Variants in LRRC4C observed in about 807,000 individuals in gnomAD.
LRRC4C encodes the protein leucine rich repeat containing 4C.
LRRC4C carries 5 observed loss-of-function variants against 33.6 expected under a neutral mutation model. That is an observed-to-expected ratio of 0.15 (90% CI 0.08 to 0.31). LRRC4C has a LOEUF of 0.31. LRRC4C is among the 10% of genes least tolerant of loss of function. The pLI is 1.00. For synonymous variants in LRRC4C, 329 were observed against 302.0 expected (o/e 1.09, Z -0.93); for missense variants, 560 against 796.7 (o/e 0.70, Z 3.58).
chr11:40,241,567 A>G lies in LRRC4C; in HGVS notation c.-144T>C, dbSNP rs911492082. ...ACTGTCTAGCTGAGTAACTCTGGCCAGTCCCTTCTTTCTCACTCTCAGTTT... is the reference window on the plus strand; with the variant it reads ...ACTGTCTAGCTGAGTAACTCTGGCCGGTCCCTTCTTTCTCACTCTCAGTTT... On this transcript the variant is annotated 5_prime_UTR_variant, in exon 5 of 7. Coordinates refer to ENST00000528697, the MANE Select transcript of LRRC4C (RefSeq NM_001258419.2). The G allele has an allele frequency of 4.6e-5, 7 of 152,170 alleles. No homozygotes were observed. The highest frequency in any genetic ancestry group is 8.8e-5 in the Non-Finnish European group (6 of 68,032). 9.4% of individuals were successfully genotyped at this position (152,170 alleles called of 1,614,324 possible). A position where few individuals can be genotyped will look rare whatever the true frequency, so the allele number is the denominator to read the frequency against.
At chr11:40,870,395 T>C (rs1304474436) in intron 2 of LRRC4C, among the ~76,000 whole-genome samples, 2 of 152,108 alleles carry the variant, frequency 1.3e-5, no homozygotes, top group Non-Finnish European at 2.9e-5. Flanking sequence ...TAATTTTATA[T>C]TCCCTTGGGG....
At chr11:41,307,954 C>A (rs566385593) in intron 1 of LRRC4C, among the ~76,000 whole-genome samples, 1 of 152,138 alleles carries the variant, frequency 6.6e-6, no homozygotes, top group Non-Finnish European at 1.5e-5. Context: ...GTGTCTCCAT[C>A]GCCCACATTC....
At chr11:40,754,509 T>C (rs1210714048) in intron 2 of LRRC4C, among the ~76,000 whole-genome samples, 1 of 152,094 alleles carries the variant, frequency 6.6e-6, no homozygotes, top group African/African-American at 2.4e-5. Flanking sequence ...CAGCGTCTTG[T>C]TGAGGAGGTG....
At chr11:40,807,063 T>C (rs1186861674) in intron 2 of LRRC4C, among the ~76,000 whole-genome samples, 1 of 152,190 alleles carries the variant, frequency 6.6e-6, no homozygotes, top group Non-Finnish European at 1.5e-5. Flanking sequence ...GATTTTCTCT[T>C]CATCCCTTTA....
intron 3 of LRRC4C, among the ~76,000 whole-genome samples, chr11:40,558,233 A>T (rs1203853908): frequency 1.3e-5 from 2 of 152,224 alleles, no homozygotes; most frequent in Non-Finnish European, 2.9e-5. Context: ...AATATTTGAG[A>T]CAATAACAAG....
chr11:40,673,341 A>G (rs1045948009), intron 2 of LRRC4C, among the ~76,000 whole-genome samples: 8 of 152,158 alleles, frequency 5.3e-5, no homozygotes, highest in Non-Finnish European at 8.8e-5. Flanking sequence ...GGTACAATGT[A>G]TGGCCATCAA....
chr11:40,828,577 A>T (rs1479188840), intron 2 of LRRC4C, among the ~76,000 whole-genome samples: 1 of 151,922 alleles, frequency 6.6e-6, no homozygotes, highest in Non-Finnish European at 1.5e-5. Context: ...AGTGATTTGG[A>T]TATGGAAAAG....
chr11:40,429,325 C>T (rs1042212509), intron 3 of LRRC4C, among the ~76,000 whole-genome samples: 10 of 152,160 alleles, frequency 6.6e-5, no homozygotes, highest in African/African-American at 2.4e-4. Flanking sequence ...CCACGCGCCT[C>T]ATACTCCCAA....
intron 2 of LRRC4C, among the ~76,000 whole-genome samples, chr11:40,776,778 T>C (rs1416485436): frequency 2.0e-5 from 3 of 152,104 alleles, no homozygotes; most frequent in Non-Finnish European, 2.9e-5. Flanking sequence ...GCTTTGGGGT[T>C]AGTTTGTTAT....
chr11:41,140,965 A>G (rs1244883531), intron 1 of LRRC4C, among the ~76,000 whole-genome samples: 1 of 152,162 alleles, frequency 6.6e-6, no homozygotes, highest in African/African-American at 2.4e-5. Flanking sequence ...CCTGGAAATA[A>G]TACATATTTT....
Position 40,663,693 on chromosome 11 carries a change from C to T in LRRC4C, c.-406-15415G>A, listed in dbSNP as rs183870663. On this transcript the variant is annotated intron_variant, in intron 2 of 6. Coordinates refer to ENST00000528697, the MANE Select transcript of LRRC4C (RefSeq NM_001258419.2). ...AGGCTCTAACAGCAGAGGGAATCTC[C>T]ATTCAACATGAAGTTATACAAGTAG... Among the ~76,000 whole-genome samples, 79 of 152,252 alleles carry T rather than the reference C, an allele frequency of 5.2e-4. 1 individual carries two copies. Among genetic ancestry groups the T allele is most frequent in the African/African-American group, 1.8e-3 (76 of 41,548 alleles).
intron 3 of LRRC4C, among the ~76,000 whole-genome samples, chr11:40,601,690 C>T (rs970447961): frequency 1.3e-5 from 2 of 152,080 alleles, no homozygotes; most frequent in Non-Finnish European, 2.9e-5. Flanking sequence ...ATAGAAGGCA[C>T]TTGAATATTT....
chr11:41,305,363 A>T (rs1187071060), intron 1 of LRRC4C, among the ~76,000 whole-genome samples: 1 of 52,332 alleles, frequency 1.9e-5, no homozygotes, highest in Non-Finnish European at 5.5e-5. Context: ...CTGGGAAGTG[A>T]GTAGCCCCTC....
At chr11:41,391,305 G>C (rs1953585090) in intron 1 of LRRC4C, among the ~76,000 whole-genome samples, 1 of 151,884 alleles carries the variant, frequency 6.6e-6, no homozygotes, top group South Asian at 2.1e-4. Flanking sequence ...AATAGAAAAT[G>C]AATCAGGGGT....
At chr11:41,455,236 C>G (rs1956140421) in intron 1 of LRRC4C, among the ~76,000 whole-genome samples, 1 of 152,032 alleles carries the variant, frequency 6.6e-6, no homozygotes, top group Admixed American at 6.6e-5. Context: ...AACTCAAATT[C>G]TAATCAACAG....
chr11:40,982,858 G>T (rs1852640549), intron 1 of LRRC4C, among the ~76,000 whole-genome samples: 1 of 151,980 alleles, frequency 6.6e-6, no homozygotes, highest in South Asian at 2.1e-4. Flanking sequence ...AGGGTGTGTT[G>T]TTCCCCTCTA....
At chr11:40,917,951 T>C (rs1425097431) in intron 2 of LRRC4C, among the ~76,000 whole-genome samples, 1 of 152,144 alleles carries the variant, frequency 6.6e-6, no homozygotes, top group Non-Finnish European at 1.5e-5. Flanking sequence ...CCTTTGCATA[T>C]CAAAACTGTG....
intron 5 of LRRC4C, among the ~76,000 whole-genome samples, chr11:40,212,215 A>C (rs139918552): frequency 3.7e-4 from 56 of 152,268 alleles, no homozygotes; most frequent in African/African-American, 1.3e-3. Context: ...TTGTATCATC[A>C]TTGTTCTTGT....
At chr11:40,685,007 T>C (rs999458525) in intron 2 of LRRC4C, among the ~76,000 whole-genome samples, 6 of 152,012 alleles carry the variant, frequency 3.9e-5, no homozygotes, top group Non-Finnish European at 2.9e-5. Flanking sequence ...AAAATATGAA[T>C]AGTAGGTATA....
Sources: gnomAD v4.1 joint callset for allele counts (sites outside exome capture counted in the v4.1 genomes callset) on GRCh38, gnomAD v4.1.1 for gene constraint, MANE v1.5 for transcripts, NCBI Gene and HGNC (gene_info 2026-07-23, HGNC 2026-07-21) for gene names.